The following PIP5K1B variants were observed in gnomAD, a reference collection of about 807,000 sequenced individuals.
PIP5K1B encodes phosphatidylinositol 4-phosphate 5-kinase type-1 beta.
Under a neutral mutation model 67.0 loss-of-function variants are expected in PIP5K1B, and 42 were observed. That is an observed-to-expected ratio of 0.63 (90% CI 0.49 to 0.81). The LOEUF (loss-of-function observed/expected upper bound fraction) is 0.81. Ranked by LOEUF, PIP5K1B falls within the 30% of genes least tolerant of loss-of-function variation. PIP5K1B has a pLI of 0.00. For synonymous variants in PIP5K1B, 214 were observed against 231.4 expected (o/e 0.92, Z 0.68); for missense variants, 459 against 646.3 (o/e 0.71, Z 3.14).
At chr9:68,706,333 GT>G (rs1227803578) in intron 1 of PIP5K1B, 1 of 152,298 alleles carries the variant, frequency 6.6e-6, no homozygotes, top group Non-Finnish European at 1.5e-5. Flanking sequence ...GGCTGGGAGT[GT>G]AGGGGCACTG....
At chr9:68,867,994 T>A (rs1269858801) in intron 5 of PIP5K1B, among the ~76,000 whole-genome samples, 1 of 152,254 alleles carries the variant, frequency 6.6e-6, no homozygotes, top group Non-Finnish European at 1.5e-5. Flanking sequence ...AAGTTATTTT[T>A]AAATATCAAG....
intron 15 of PIP5K1B, among the ~76,000 whole-genome samples, chr9:69,000,243 C>G (rs1044827720): frequency 6.6e-6 from 1 of 152,114 alleles, no homozygotes; most frequent in Non-Finnish European, 1.5e-5. Context: ...GTGGAGAAAG[C>G]CATTCTTCAC....
chr9:68,791,191 G>A (rs1831949489), intron 2 of PIP5K1B, among the ~76,000 whole-genome samples: 1 of 152,206 alleles, frequency 6.6e-6, no homozygotes, highest in African/African-American at 2.4e-5. Flanking sequence ...TAAAATGGTT[G>A]TTTGAGGTAA....
intron 2 of PIP5K1B, among the ~76,000 whole-genome samples, chr9:68,793,657 G>A (rs1832125809): frequency 6.6e-6 from 1 of 152,088 alleles, no homozygotes; most frequent in African/African-American, 2.4e-5. Flanking sequence ...TTTGGTGGGG[G>A]GAGGGGCTAT....
At chr9:68,993,974 G>T (rs1002741874) in intron 15 of PIP5K1B, among the ~76,000 whole-genome samples, 5 of 151,582 alleles carry the variant, frequency 3.3e-5, no homozygotes, top group African/African-American at 1.2e-4. Context: ...ATACAGAAAG[G>T]AAGGAATGAG....
At chr9:68,783,183 T>C (rs1831399152) in intron 2 of PIP5K1B, 1 of 167,136 alleles carries the variant, frequency 6.0e-6, no homozygotes, top group Non-Finnish European at 1.5e-5. Context: ...CTTTAAGGAA[T>C]GATTTCTTTA....
At chr9:68,902,997 G>C (rs1825438960) in intron 8 of PIP5K1B, among the ~76,000 whole-genome samples, 1 of 152,230 alleles carries the variant, frequency 6.6e-6, no homozygotes, top group South Asian at 2.1e-4. Flanking sequence ...AGATTCCTAA[G>C]AAAAGGCCTG....
chr9:68,820,679 C>T (rs1043644527), intron 3 of PIP5K1B, among the ~76,000 whole-genome samples: 3 of 152,066 alleles, frequency 2.0e-5, no homozygotes, highest in African/African-American at 7.3e-5. Flanking sequence ...AAATTTTACC[C>T]TTCCTTGGTG....
chr9:68,991,980 G>A (rs569366638), intron 15 of PIP5K1B, among the ~76,000 whole-genome samples: 247 of 151,978 alleles, frequency 1.6e-3, no homozygotes, highest in African/African-American at 5.4e-3. Flanking sequence ...TTTTTTTTGG[G>A]GGGGGGCAGA....
intron 2 of PIP5K1B, among the ~76,000 whole-genome samples, chr9:68,751,643 CAT>C (rs1440863062): frequency 6.6e-6 from 1 of 152,180 alleles, no homozygotes; most frequent in Non-Finnish European, 1.5e-5. Flanking sequence ...TAGGGATTTA[CAT>C]AGACATTTGT....
At chr9:69,004,335 T>TG (rs1554755759) in intron 15 of PIP5K1B, among the ~76,000 whole-genome samples, 2 of 120,894 alleles carry the variant, frequency 1.7e-5, no homozygotes, top group Admixed American at 8.4e-5. Flanking sequence ...GTGTGTGTGT[T>TG]TTTGTGTGTG....
intron 8 of PIP5K1B, among the ~76,000 whole-genome samples, chr9:68,911,059 G>C (rs543400028): frequency 1.6e-4 from 24 of 152,328 alleles, no homozygotes; most frequent in African/African-American, 5.3e-4. Context: ...ACAGATGTCA[G>C]GAATGGGTTT....
chr9:68,951,826 G>A (rs932366982), intron 14 of PIP5K1B, among the ~76,000 whole-genome samples: 1 of 152,122 alleles, frequency 6.6e-6, no homozygotes, highest in Non-Finnish European at 1.5e-5. Context: ...CTCCCCCTAC[G>A]TCTTCATGTG....
At chr9:69,008,059 G>GA (rs1323179519) in intron 15 of PIP5K1B, among the ~76,000 whole-genome samples, 1 of 152,140 alleles carries the variant, frequency 6.6e-6, no homozygotes, top group African/African-American at 2.4e-5. Context: ...ATATTGTTTG[G>GA]AAAAAAACAT....
chr9:68,833,589 C>G (rs374244924), intron 4 of PIP5K1B, among the ~76,000 whole-genome samples: 56 of 150,866 alleles, frequency 3.7e-4, no homozygotes, highest in African/African-American at 1.3e-3. Flanking sequence ...AACAAATACT[C>G]ATCAGCCCCA....
At chr9:68,754,175 C>CTTTCTTTTTTTTTTTTTTT (rs1829792571) in intron 2 of PIP5K1B, among the ~76,000 whole-genome samples, 1 of 101,076 alleles carries the variant, frequency 9.9e-6, no homozygotes, top group Non-Finnish European at 1.9e-5. Flanking sequence ...TCCATGATTT[C>CTTTCTTTTTTTTTTTTTTT]TTTTTTTTTT....
At chr9:68,723,947 A>G (rs1828027318) in intron 1 of PIP5K1B, among the ~76,000 whole-genome samples, 1 of 151,896 alleles carries the variant, frequency 6.6e-6, no homozygotes, top group African/African-American at 2.4e-5. Context: ...ATTATTGCCC[A>G]GACAAATATC....
rs143128500 is a variant in PIP5K1B at position 68,734,408 on chromosome 9, A to G, written c.-242-8093A>G. Among the ~76,000 whole-genome samples the G allele has an allele frequency of 9.2e-5, 14 of 152,352 alleles. No individual in the cohort carries two copies. The East Asian group carries it at 2.5e-3, about 27-fold the overall frequency. On this transcript the variant is annotated intron_variant, in intron 1 of 15. Coordinates refer to ENST00000265382, the MANE Select transcript of PIP5K1B (RefSeq NM_003558.4). ...AGAATTAATAAAGCTAGAAGAAACA[A>G]TAGAAAGGGAAAGATGTCTTAACTG...
At chr9:68,919,937 G>T (rs1019073737) in intron 11 of PIP5K1B, among the ~76,000 whole-genome samples, 4 of 152,184 alleles carry the variant, frequency 2.6e-5, no homozygotes, top group African/African-American at 9.7e-5. Flanking sequence ...ATGACATCCA[G>T]CCTAGCGGCC....
Sources: gnomAD v4.1 joint callset for allele counts (sites outside exome capture counted in the v4.1 genomes callset) on GRCh38, gnomAD v4.1.1 for gene constraint, MANE v1.5 for transcripts, NCBI Gene and HGNC (gene_info 2026-07-23, HGNC 2026-07-21) for gene names.